TSG101: variants seen among roughly 807,000 people sequenced by gnomAD.
TSG101 encodes tumor susceptibility gene 101 protein.
A neutral mutation model predicts 48.5 loss-of-function variants in TSG101; 19 were observed. That is an observed-to-expected ratio of 0.39 (90% CI 0.27 to 0.58). The LOEUF (loss-of-function observed/expected upper bound fraction) is 0.58, where lower values mean the gene tolerates loss of function less well. Ranked by LOEUF, TSG101 falls within the 20% of genes least tolerant of loss-of-function variation. The probability of loss-of-function intolerance (pLI) is 0.55; values close to 1 mark genes in which losing one functional copy is unlikely to be tolerated. For synonymous variants in TSG101, 174 were observed against 169.4 expected, an observed-to-expected ratio of 1.03 and a Z score of -0.21; for missense variants, 365 against 484.4, an observed-to-expected ratio of 0.75 and a Z score of 2.31.
intron 8 of TSG101, 112 bp downstream of exon 8, chr11:18,483,752 AAGATGC>A (rs1344991758): frequency 1.9e-6 from 2 of 1,032,320 alleles, no homozygotes; most frequent in Non-Finnish European, 2.9e-6. Flanking sequence ...CAAATGTTTA[AAGATGC>A]CTATAATTTT....
At chr11:18,498,120 A>AGG (rs1312631835) in intron 7 of TSG101, among the ~76,000 whole-genome samples, 1 of 152,100 alleles carries the variant, frequency 6.6e-6, no homozygotes, top group Non-Finnish European at 1.5e-5. Context: ...CAAATTGGTA[A>AGG]GGATAGGCCT....
intron 6 of TSG101, among the ~76,000 whole-genome samples, chr11:18,504,962 GTTC>G (rs1178105254): frequency 2.0e-5 from 3 of 152,116 alleles, no homozygotes; most frequent in Non-Finnish European, 4.4e-5. Flanking sequence ...CCTGACAAAT[GTTC>G]TTCTAATCTC....
At chr11:18,481,481 T>C in intron 9 of TSG101, 149 bp downstream of exon 9, 2 of 1,436,652 alleles carry the variant, frequency 1.4e-6, no homozygotes, top group South Asian at 1.5e-5. Context: ...AAAAAGATGG[T>C]GCAAAACCCT....
intron 4 of TSG101, among the ~76,000 whole-genome samples, chr11:18,512,902 A>G (rs1412079354): frequency 1.3e-5 from 2 of 151,688 alleles, no homozygotes; most frequent in Admixed American, 6.6e-5. Flanking sequence ...TAATTTTTAT[A>G]TTTTTAGTAG....
chr11:18,500,495 ATT>A (rs1412304675), intron 7 of TSG101, among the ~76,000 whole-genome samples: 1 of 151,498 alleles, frequency 6.6e-6, no homozygotes, highest in African/African-American at 2.4e-5. Flanking sequence ...TTATTTTTTT[ATT>A]TTTTGTCTTT....
chr11:18,514,622 C>T, intron 4 of TSG101, 56 bp downstream of exon 4: 4 of 1,428,074 alleles, frequency 2.8e-6, no homozygotes, highest in Non-Finnish European at 3.7e-6. Context: ...AAAGCAGATG[C>T]TAGTGAGCAA....
intron 4 of TSG101, among the ~76,000 whole-genome samples, chr11:18,510,414 C>T (rs537541451): frequency 3.3e-5 from 5 of 152,232 alleles, no homozygotes; most frequent in African/African-American, 1.2e-4. Flanking sequence ...GAGCAAGACT[C>T]TGTCTCAAAA....
chr11:18,525,188 C>T (rs1354272792), intron 1 of TSG101, among the ~76,000 whole-genome samples: 2 of 152,210 alleles, frequency 1.3e-5, no homozygotes, highest in East Asian at 1.9e-4. Flanking sequence ...GGATTACAGG[C>T]GTAAGCCACT....
At chr11:18,495,737 C>A (rs1849765348) in intron 7 of TSG101, among the ~76,000 whole-genome samples, 1 of 150,440 alleles carries the variant, frequency 6.6e-6, no homozygotes, top group African/African-American at 2.4e-5. Flanking sequence ...CCTCCTCATT[C>A]CCCTAGTTAG....
At chr11:18,506,383 T>C (rs1849971654) in intron 6 of TSG101, among the ~76,000 whole-genome samples, 1 of 103,376 alleles carries the variant, frequency 9.7e-6, no homozygotes, top group South Asian at 3.7e-4. Flanking sequence ...TATAATACTC[T>C]CTTCTTTTAA....
chr11:18,489,436 G>A (rs1454640223), intron 7 of TSG101, among the ~76,000 whole-genome samples: 1 of 152,124 alleles, frequency 6.6e-6, no homozygotes, highest in Non-Finnish European at 1.5e-5. Context: ...CCAGGAAACA[G>A]ATAAGGTCAT....
intron 7 of TSG101, among the ~76,000 whole-genome samples, chr11:18,499,395 TATATATA>T (rs1305581244): frequency 6.7e-4 from 7 of 10,400 alleles, no homozygotes; most frequent in African/African-American, 1.3e-3. Flanking sequence ...TATATATATA[TATATATA>T]TTTTTTTTTT....
At chr11:18,524,537 C>T (rs990303351) in intron 1 of TSG101, among the ~76,000 whole-genome samples, 1 of 152,202 alleles carries the variant, frequency 6.6e-6, no homozygotes, top group Non-Finnish European at 1.5e-5. Context: ...CCCACAACTG[C>T]TTCTATTACT....
chr11:18,516,025 G>T, intron 3 of TSG101, 74 bp downstream of exon 3: 1 of 1,354,462 alleles, frequency 7.4e-7, no homozygotes, highest in South Asian at 1.3e-5. Flanking sequence ...GTTTAATTTG[G>T]TTATAACTCT....
chr11:18,511,522 C>T (rs942974600), intron 4 of TSG101: 1 of 152,196 alleles, frequency 6.6e-6, no homozygotes, highest in African/African-American at 2.4e-5. Context: ...CTCACAGATA[C>T]TGTGGCTGGT....
chr11:18,516,727 A>G (rs1382361044), intron 2 of TSG101, among the ~76,000 whole-genome samples: 1 of 151,972 alleles, frequency 6.6e-6, no homozygotes, highest in East Asian at 2.0e-4. Context: ...GGATCACCTG[A>G]GGTCAGGAGT....
At position 18,487,930 on chromosome 11, in the gene TSG101, G is replaced by T. The variant is rs1379161683; in HGVS notation, c.641-3858C>A. ...CTGATAAAATTTTTATTTCACTTTTGAAGTTTTACACTTTTCCTGATTATT... is the reference window on the plus strand; with the variant it reads ...CTGATAAAATTTTTATTTCACTTTTTAAGTTTTACACTTTTCCTGATTATT... On this transcript the variant is annotated intron_variant, in intron 7 of 9. Coordinates refer to ENST00000251968, the MANE Select transcript of TSG101 (RefSeq NM_006292.4). Among the ~76,000 whole-genome samples the T allele has an allele frequency of 4.0e-5, 6 of 151,468 alleles. No homozygotes were observed. The East Asian group carries it at 9.7e-4, about 24-fold the overall frequency.
At chr11:18,514,656 A>T (rs1399639997) in intron 4 of TSG101, 22 bp downstream of exon 4, 1 of 1,515,096 alleles carries the variant, frequency 6.6e-7, no homozygotes, top group Admixed American at 2.5e-5. Context: ...TAACTAATTC[A>T]CAGAACACTA....
intron 7 of TSG101, among the ~76,000 whole-genome samples, chr11:18,500,095 T>G (rs1008103235): frequency 1.6e-4 from 24 of 152,298 alleles, no homozygotes; most frequent in Middle Eastern, 3.4e-3. Context: ...TGAGAACATT[T>G]GATATTTGTC....
Sources: gnomAD v4.1 joint callset for allele counts (sites outside exome capture counted in the v4.1 genomes callset) on GRCh38, gnomAD v4.1.1 for gene constraint, MANE v1.5 for transcripts, NCBI Gene and HGNC (gene_info 2026-07-23, HGNC 2026-07-21) for gene names.